Variants in CELF2 observed in about 807,000 individuals in gnomAD.
CELF2 encodes CUGBP Elav-like family member 2.
CELF2 carries 8 observed loss-of-function variants against 62.6 expected under a neutral mutation model. The observed-to-expected ratio is 0.13, with a 90% CI of 0.07 to 0.23. The LOEUF is 0.23. Ranked by LOEUF, CELF2 falls within the 10% of genes least tolerant of loss-of-function variation. CELF2 has a pLI of 1.00. For synonymous variants in CELF2, 258 were observed against 250.0 expected (o/e 1.03, Z -0.30); for missense variants, 333 against 671.0 (o/e 0.50, Z 5.56).
At chr10:11,019,511 A>G (rs2057946041) in intron 1 of CELF2, among the ~76,000 whole-genome samples, 1 of 152,050 alleles carries the variant, frequency 6.6e-6, no homozygotes, top group Non-Finnish European at 1.5e-5. Flanking sequence ...TTCTTTTTCT[A>G]GCATGTTAAG....
At chr10:11,209,027 A>G (rs56170700) in intron 2 of CELF2, among the ~76,000 whole-genome samples, 9,841 of 152,294 alleles carry the variant, frequency 0.065, 423 homozygotes, top group Non-Finnish European at 0.092. Context: ...GAGGAGCAGT[A>G]CAACACAGAT....
chr10:10,586,878 G>A, the CELF2 span, among the ~76,000 whole-genome samples: 3 of 152,068 alleles, frequency 2.0e-5, no homozygotes, highest in South Asian at 2.1e-4. Flanking sequence ...GATTGTATAC[G>A]GCAGCTAGAA....
rs4750027 is a variant in CELF2, at chr10:11,211,813, A to T, written c.272-5612A>T. On this transcript the variant is annotated intron_variant, in intron 2 of 12. Coordinates refer to ENST00000633077, the MANE Select transcript of CELF2 (RefSeq NM_001326342.2). The surrounding 1 kb of genome is among the most constrained non-coding windows in gnomAD (Gnocchi z 4.8). ...GTGTGAGAGAGAGAGAGAGAGAGAG[A>T]GTGTGTGTGTGTGTGTGTGTGTGTG... 0.1 allele frequency among the ~76,000 whole-genome samples: 9,035 copies of T among 89,146 alleles called. 367 individuals carry two copies. The highest frequency in any genetic ancestry group is 0.14 in the Non-Finnish European group (5,941 of 42,238). 58.5% of individuals were successfully genotyped at this position (89,146 alleles called of 152,430 possible). A position where few individuals can be genotyped will look rare whatever the true frequency, so the allele number is the denominator to read the frequency against.
chr10:10,952,356 TGGAC>T (rs1215947269), intron 2 of CELF2: 3 of 152,216 alleles, frequency 2.0e-5, no homozygotes, highest in Non-Finnish European at 4.4e-5. Context: ...AATGGGGTAT[TGGAC>T]CAAACCCCAA....
At position 11,319,504 on chromosome 10, in the gene CELF2, G is replaced by C. The variant is rs145170503; in HGVS notation, c.1097-1685G>C. On this transcript the variant is annotated intron_variant, in intron 10 of 12. Coordinates refer to ENST00000633077, the MANE Select transcript of CELF2 (RefSeq NM_001326342.2). The surrounding 1 kb of genome is among the most constrained non-coding windows in gnomAD (Gnocchi z 4.4). ...AGGACAGTCTGCATCCAAGCTCTTT[G>C]GACAGCACTTACTTGCATGACCCAA... 8.6e-3 allele frequency among the ~76,000 whole-genome samples: 1,307 copies of C among 152,164 alleles called. 19 individuals carry two copies. Among genetic ancestry groups the C allele is most frequent in the African/African-American group, 0.03 (1,225 of 41,486 alleles).
chr10:10,555,847 C>T, the CELF2 span, among the ~76,000 whole-genome samples: 1 of 152,116 alleles, frequency 6.6e-6, no homozygotes, highest in Non-Finnish European at 1.5e-5. Context: ...GAAGAAGAGC[C>T]TCTTCGGGCT....
chr10:10,729,711 G>A, the CELF2 span, among the ~76,000 whole-genome samples: 62 of 151,658 alleles, frequency 4.1e-4, no homozygotes, highest in Non-Finnish European at 4.1e-4. Context: ...CCTGGGAGGC[G>A]GAGGGTGCAG....
At chr10:10,749,540 T>C in the CELF2 span, among the ~76,000 whole-genome samples, 1 of 152,138 alleles carries the variant, frequency 6.6e-6, no homozygotes, top group African/African-American at 2.4e-5. Flanking sequence ...GAATGTCTCA[T>C]AAAGGAGGAA....
intron 2 of CELF2, among the ~76,000 whole-genome samples, chr10:11,200,515 A>G (rs939712058): frequency 2.0e-5 from 3 of 152,238 alleles, no homozygotes; most frequent in African/African-American, 7.2e-5. Context: ...CCTGGAAAGC[A>G]TTTTAAATGA....
chr10:11,158,024 C>A (rs2064899183), intron 1 of CELF2, among the ~76,000 whole-genome samples: 1 of 152,228 alleles, frequency 6.6e-6, no homozygotes, highest in Non-Finnish European at 1.5e-5. Flanking sequence ...TGTTAAAAAT[C>A]ATTCTTCATC....
intron 2 of CELF2, among the ~76,000 whole-genome samples, chr10:10,991,866 A>G (rs576172823): frequency 6.6e-6 from 1 of 152,242 alleles, no homozygotes; most frequent in Admixed American, 6.5e-5. Context: ...CCCTATTTCC[A>G]TCCTACACTC....
the CELF2 span, among the ~76,000 whole-genome samples, chr10:10,701,966 C>T: frequency 1.3e-5 from 2 of 152,196 alleles, no homozygotes; most frequent in African/African-American, 4.8e-5. Context: ...GCAGTCAACT[C>T]CAAATTAGAC....
chr10:10,684,533 A>G, the CELF2 span, among the ~76,000 whole-genome samples: 5 of 152,208 alleles, frequency 3.3e-5, no homozygotes, highest in Admixed American at 1.3e-4. Flanking sequence ...GCTTAAGTCC[A>G]GGAATTCAAG....
chr10:10,583,008 T>C, the CELF2 span, among the ~76,000 whole-genome samples: 50 of 152,246 alleles, frequency 3.3e-4, no homozygotes, highest in Admixed American at 9.8e-4. Flanking sequence ...GTGCAGTAGA[T>C]AATGAACAAT....
At chr10:10,820,852 G>A (rs1190642618) in intron 1 of CELF2, among the ~76,000 whole-genome samples, 1 of 152,170 alleles carries the variant, frequency 6.6e-6, no homozygotes, top group Non-Finnish European at 1.5e-5. Flanking sequence ...ACCACTAAGA[G>A]ATTTGCATTT....
At position 11,191,641 on chromosome 10, in the gene CELF2, T is replaced by G. The variant is rs534358238; in HGVS notation, c.272-25784T>G. Among the ~76,000 whole-genome samples, 1 of 152,102 alleles carries G rather than the reference T, an allele frequency of 6.6e-6. No individual in the cohort carries two copies. Among genetic ancestry groups the G allele is most frequent in the Non-Finnish European group, 1.5e-5 (1 of 68,000 alleles). On this transcript the variant is annotated intron_variant, in intron 2 of 12. Transcript: ENST00000633077. The surrounding 1 kb of genome is among the most constrained non-coding windows in gnomAD (Gnocchi z 4.1). ...CCTTGGGTTTCATTTAACTGTGGCC[T>G]CCCCAGGATGTTACACGTCCTGGCC...
At chr10:10,713,746 G>C in the CELF2 span, among the ~76,000 whole-genome samples, 1 of 152,134 alleles carries the variant, frequency 6.6e-6, no homozygotes, top group Admixed American at 6.6e-5. Flanking sequence ...AAGAAAATAT[G>C]GGGATAGGCC....
chr10:10,538,651 A>G, the CELF2 span, among the ~76,000 whole-genome samples: 2,667 of 152,172 alleles, frequency 0.018, 78 homozygotes, highest in African/African-American at 0.06. Context: ...AGCCCCAAAC[A>G]TACTACAGAA....
chr10:11,038,598 A>G (rs1593721986), intron 1 of CELF2, among the ~76,000 whole-genome samples: 1 of 152,226 alleles, frequency 6.6e-6, no homozygotes, highest in African/African-American at 2.4e-5. Flanking sequence ...ATAATCAACT[A>G]CTATGCAGTA....
Sources: allele counts gnomAD v4.1 joint callset (sites outside exome capture counted in the v4.1 genomes callset), GRCh38; gene constraint gnomAD v4.1.1; non-coding constraint Gnocchi (gnomAD v3.1); transcripts MANE v1.5; gene names NCBI Gene and HGNC (gene_info 2026-07-23, HGNC 2026-07-21).